KDELR2: variants seen among roughly 807,000 people sequenced by gnomAD.
The protein encoded by KDELR2 is ER lumen protein-retaining receptor 2.
KDELR2 carries 15 observed loss-of-function variants against 23.9 expected under a neutral mutation model. The observed-to-expected ratio is 0.63, with a 90% CI of 0.42 to 0.97. The LOEUF (loss-of-function observed/expected upper bound fraction) is 0.97. Among genes scored for constraint, KDELR2 ranks in the 50% least tolerant of loss-of-function variants. The pLI, the probability that KDELR2 is intolerant of heterozygous loss-of-function variation, is 0.00. For missense variants in KDELR2, 272 were observed against 254.6 expected (o/e 1.07, Z -0.46); for synonymous variants, 119 against 106.2 (o/e 1.12, Z -0.74).
At position 6,484,132 on chromosome 7, in the gene KDELR2, A is replaced by C; in HGVS notation, c.-75T>G. The C allele has an allele frequency of 6.0e-6, 7 of 1,161,892 alleles. No individual in the cohort carries two copies. The highest frequency in any genetic ancestry group is 7.6e-6 in the Non-Finnish European group (7 of 918,164). The allele number at this position is 1,161,892 out of a possible 1,614,324, so 72.0% of individuals were successfully genotyped here. A position where few individuals can be genotyped will look rare whatever the true frequency, so the allele number is the denominator to read the frequency against. ...GCGGCTCAGGAGGCGGCGGCCCCTG[A>C]GAGGAAGCGGCGAAGATGGCGAGAT... On this transcript the variant is annotated 5_prime_UTR_variant, in exon 1 of 5. Transcript: ENST00000258739.
Position 6,462,816 on chromosome 7 carries a change from A to T in KDELR2, c.*325T>A. 1.6e-6 allele frequency: 1 copy of T among 616,892 alleles called. No individual in the cohort carries two copies. The highest frequency in any genetic ancestry group is 2.6e-6 in the Non-Finnish European group (1 of 379,888). The allele number at this position is 616,892 out of a possible 1,614,324, so 38.2% of individuals were successfully genotyped here. On this transcript the variant is annotated 3_prime_UTR_variant, in exon 5 of 5. Transcript: ENST00000258739. ...AGTTTCAAAGAATTTTTTAAAATAA[A>T]AAAAAAATTTGCACTTATTCCTCAC...
chr7:6,477,658 TTTG>T (rs2115332503), intron 1 of KDELR2, among the ~76,000 whole-genome samples: 1 of 152,338 alleles, frequency 6.6e-6, no homozygotes, highest in South Asian at 2.1e-4. Context: ...TTAAATGTCT[TTTG>T]TTTTCTGTTT....
At chr7:6,467,943 G>A (rs1019913528) in intron 3 of KDELR2, among the ~76,000 whole-genome samples, 1 of 152,124 alleles carries the variant, frequency 6.6e-6, no homozygotes, top group African/African-American at 2.4e-5. Context: ...TTTCCTAAAG[G>A]CAAGAGGTGC....
At chr7:6,468,322 T>A (rs554091389) in intron 3 of KDELR2, among the ~76,000 whole-genome samples, 2 of 152,122 alleles carry the variant, frequency 1.3e-5, no homozygotes, top group Non-Finnish European at 2.9e-5. Flanking sequence ...TAACCAGACA[T>A]GACCATGAAA....
At chr7:6,479,237 A>C (rs976836783) in intron 1 of KDELR2, among the ~76,000 whole-genome samples, 3 of 152,046 alleles carry the variant, frequency 2.0e-5, no homozygotes, top group Non-Finnish European at 2.9e-5. Context: ...GGCTCGCTGC[A>C]ACCTCGACTT....
chr7:6,474,491 G>A (rs1427487794), intron 1 of KDELR2, among the ~76,000 whole-genome samples: 1 of 152,078 alleles, frequency 6.6e-6, no homozygotes, highest in African/African-American at 2.4e-5. Context: ...GCTCTAACAG[G>A]CTTTTCTGTC....
In KDELR2 at chr7:6,479,719, C is replaced by T. The variant is rs138917531; in HGVS notation, c.91+4248G>A. Among the ~76,000 whole-genome samples, 140 of 152,298 alleles carry T rather than the reference C, an allele frequency of 9.2e-4. 3 individuals carry two copies. In the East Asian group the frequency reaches 0.022, roughly 24 times the overall value. ...GTCTGGATCTCCTGCCCTCAAGATC[C>T]GCCCGCCTTGGCCTCCCAAAGTCCT... On this transcript the variant is annotated intron_variant, in intron 1 of 4. Transcript: ENST00000258739.
Position 6,461,776 on chromosome 7 carries a change from TAATA to T in KDELR2, c.*1361_*1364del, listed in dbSNP as rs1785393429. 6.6e-6 allele frequency: 1 copy of T among 151,928 alleles called. No homozygotes were observed. Among genetic ancestry groups the T allele is most frequent in the African/African-American group, 2.4e-5 (1 of 41,364 alleles). The allele number at this position is 151,928 out of a possible 1,614,324, so 9.4% of individuals were successfully genotyped here. A position where few individuals can be genotyped will look rare whatever the true frequency, so the allele number is the denominator to read the frequency against. On this transcript the variant is annotated 3_prime_UTR_variant, in exon 5 of 5. Transcript: ENST00000258739. Reference sequence around the variant, plus strand: ...TCAGCACTGTTAGTATTCAACACTTTAATATTTATGGTGTATCACATAAAAAACA... The same window carrying T: ...TCAGCACTGTTAGTATTCAACACTTTTTTATGGTGTATCACATAAAAAACA...
chr7:6,472,897 C>CTTTT (rs35369447), intron 2 of KDELR2, among the ~76,000 whole-genome samples: 1 of 111,222 alleles, frequency 9.0e-6, no homozygotes, highest in Non-Finnish European at 1.8e-5. Flanking sequence ...AGCCCCTGTT[C>CTTTT]TTTTTTTTTT....
intron 1 of KDELR2, among the ~76,000 whole-genome samples, chr7:6,474,850 T>C (rs1785721822): frequency 6.6e-6 from 1 of 152,174 alleles, no homozygotes; most frequent in Admixed American, 6.5e-5. Flanking sequence ...AAATTTTTTG[T>C]TCACCATGTT....
Position 6,484,147 on chromosome 7 carries a change from G to A in KDELR2, c.-90C>T, listed in dbSNP as rs1583323789. ...GCGGCCCCTGAGAGGAAGCGGCGAA[G>A]ATGGCGAGATCGCCCGCGACGTGGC... On this transcript the variant is annotated 5_prime_UTR_variant, in exon 1 of 5. Coordinates refer to ENST00000258739, the MANE Select transcript of KDELR2 (RefSeq NM_006854.4). 1 of 1,058,660 alleles carries A rather than the reference G, an allele frequency of 9.4e-7. No individual in the cohort carries two copies. The highest frequency in any genetic ancestry group is 3.7e-5 in the East Asian group (1 of 27,132). The allele number at this position is 1,058,660 out of a possible 1,614,324, so 65.6% of individuals were successfully genotyped here. A position where few individuals can be genotyped will look rare whatever the true frequency, so the allele number is the denominator to read the frequency against.
At chr7:6,472,766 T>C (rs371613481) in intron 2 of KDELR2, among the ~76,000 whole-genome samples, 3 of 152,252 alleles carry the variant, frequency 2.0e-5, no homozygotes, top group East Asian at 3.9e-4. Context: ...AGTTGAAATA[T>C]TACTTCCTTG....
chr7:6,463,735 C>T (rs1458307850), intron 4 of KDELR2, among the ~76,000 whole-genome samples: 1 of 150,358 alleles, frequency 6.7e-6, no homozygotes, highest in African/African-American at 2.5e-5. Flanking sequence ...AGAGTGAGAC[C>T]CTGTCTCTTT....
intron 1 of KDELR2, among the ~76,000 whole-genome samples, chr7:6,477,960 T>C (rs978308351): frequency 6.6e-6 from 1 of 152,126 alleles, no homozygotes; most frequent in African/African-American, 2.4e-5. Flanking sequence ...TAACCCCAAA[T>C]AATGCAAATT....
At chr7:6,466,584 C>A (rs1583315935) in intron 3 of KDELR2, among the ~76,000 whole-genome samples, 1 of 152,144 alleles carries the variant, frequency 6.6e-6, no homozygotes, top group East Asian at 1.9e-4. Flanking sequence ...AAGCACATTG[C>A]AATCATTGTG....
intron 3 of KDELR2, among the ~76,000 whole-genome samples, chr7:6,468,179 C>T (rs1785542174): frequency 6.6e-6 from 1 of 152,112 alleles, no homozygotes; most frequent in Admixed American, 6.6e-5. Flanking sequence ...TATGTGGGTG[C>T]TTAATTCTCA....
At chr7:6,471,716 G>A (rs1785647360) in intron 2 of KDELR2, among the ~76,000 whole-genome samples, 1 of 152,130 alleles carries the variant, frequency 6.6e-6, no homozygotes, top group African/African-American at 2.4e-5. Context: ...GTGGTCCATT[G>A]TATGGATGCA....
chr7:6,469,417 A>G (rs1329002163), intron 3 of KDELR2, among the ~76,000 whole-genome samples, 179 bp downstream of exon 3: 1 of 151,984 alleles, frequency 6.6e-6, no homozygotes, highest in African/African-American at 2.4e-5. Flanking sequence ...CACCACACCC[A>G]GCTAATTTTT....
intron 1 of KDELR2, among the ~76,000 whole-genome samples, chr7:6,481,167 G>A (rs751313372): frequency 5.3e-5 from 8 of 152,098 alleles, no homozygotes; most frequent in Non-Finnish European, 8.8e-5. Context: ...TCAGGAGACC[G>A]AGACCAGCCT....
Sources: gnomAD v4.1 joint callset for allele counts (sites outside exome capture counted in the v4.1 genomes callset) on GRCh38, gnomAD v4.1.1 for gene constraint, MANE v1.5 for transcripts, NCBI Gene and HGNC (gene_info 2026-07-23, HGNC 2026-07-21) for gene names.